Variants in TEX2 observed in about 807,000 individuals in gnomAD.
TEX2 encodes the protein testis expressed 2, also known as testis-expressed protein 2.
A neutral mutation model predicts 106.9 loss-of-function variants in TEX2; 53 were observed. The ratio of observed to expected loss-of-function variants is 0.50; its 90% CI spans 0.40 to 0.62. The LOEUF (loss-of-function observed/expected upper bound fraction) is 0.62, where lower values mean the gene tolerates loss of function less well. Among genes scored for constraint, TEX2 ranks in the 20% least tolerant of loss-of-function variants. TEX2 has a pLI of 0.00. For synonymous variants in TEX2, 523 were observed against 534.8 expected (o/e 0.98, Z 0.30); for missense variants, 1,207 against 1,379.0 (o/e 0.88, Z 1.98).
chr17:64,230,314 AGT>A (rs546008481), intron 1 of TEX2, among the ~76,000 whole-genome samples: 12 of 152,208 alleles, frequency 7.9e-5, no homozygotes, highest in Non-Finnish European at 1.6e-4. Flanking sequence ...GTACATTTTA[AGT>A]GGAGGACAAA....
chr17:64,147,392 C>G lies in TEX2; in HGVS notation c.*1577G>C, dbSNP rs1293184111. On this transcript the variant is annotated 3_prime_UTR_variant, in exon 12 of 12. Coordinates refer to ENST00000584379, the MANE Select transcript of TEX2 (RefSeq NM_001288732.2). Reference sequence around the variant, plus strand: ...TGCTCTGTACTCATTTTATTGTGCCCCTATCTGAACAGGATTCCGTAGAAA... The same window carrying G: ...TGCTCTGTACTCATTTTATTGTGCCGCTATCTGAACAGGATTCCGTAGAAA... 6.6e-6 allele frequency: 1 copy of G among 151,828 alleles called. No individual in the cohort carries two copies. The highest frequency in any genetic ancestry group is 1.5e-5 in the Non-Finnish European group (1 of 68,006). 9.4% of individuals were successfully genotyped at this position (151,828 alleles called of 1,614,324 possible). A position where few individuals can be genotyped will look rare whatever the true frequency, so the allele number is the denominator to read the frequency against.
chr17:64,200,174 C>T (rs1337649142), intron 2 of TEX2, among the ~76,000 whole-genome samples: 5 of 151,940 alleles, frequency 3.3e-5, no homozygotes, highest in African/African-American at 1.2e-4. Flanking sequence ...AATTAATAGA[C>T]AAACATATCA....
rs2032450059 is a variant in TEX2 at position 64,195,833 on chromosome 17, C to T, written c.1645-738G>A. The stretch of plus-strand genomic sequence containing the variant: ...ATACACAAAAGCCTAATACACTATA[C>T]ACTGTGTTAAAGCTAATCTCATAGC... On this transcript the variant is annotated intron_variant, in intron 2 of 11. Coordinates refer to ENST00000584379, the MANE Select transcript of TEX2 (RefSeq NM_001288732.2). The surrounding 1 kb of genome is among the most constrained non-coding windows in gnomAD (Gnocchi z 4.1). Among the ~76,000 whole-genome samples, 2 of 152,306 alleles carry T rather than the reference C, an allele frequency of 1.3e-5. No homozygotes were observed. Among genetic ancestry groups the T allele is most frequent in the African/African-American group, 2.4e-5 (1 of 41,576 alleles).
rs1248083416 is a variant in TEX2 at position 64,195,211 on chromosome 17, A to G, written c.1645-116T>C. 3.4e-6 allele frequency: 3 copies of G among 890,546 alleles called. No individual in the cohort carries two copies. The highest frequency in any genetic ancestry group is 3.3e-5 in the African/African-American group (2 of 60,242). The allele number at this position is 890,546 out of a possible 1,614,324, so 55.2% of individuals were successfully genotyped here. On this transcript the variant is annotated intron_variant, in intron 2 of 11. Coordinates refer to ENST00000584379, the MANE Select transcript of TEX2 (RefSeq NM_001288732.2). The surrounding 1 kb of genome is among the most constrained non-coding windows in gnomAD (Gnocchi z 4.1). ...GAAACCAAACTTGATCACGACACAGATATCAGCTCACCAATGACTACAGGT... is the reference window on the plus strand; with the variant it reads ...GAAACCAAACTTGATCACGACACAGGTATCAGCTCACCAATGACTACAGGT...
Position 64,181,472 on chromosome 17 carries a change from C to CA in TEX2, c.2425-4002dup, listed in dbSNP as rs759988777. Reference sequence around the variant, plus strand: ...CCCTGGCCACAGAGCAAGGCTATCTCAAAAAAAAAAAAAAAAAAAAAAAAA... The same window carrying CA: ...CCCTGGCCACAGAGCAAGGCTATCTCAAAAAAAAAAAAAAAAAAAAAAAAAA... On this transcript the variant is annotated intron_variant, in intron 5 of 11. Transcript: ENST00000584379. Among the ~76,000 whole-genome samples the CA allele has an allele frequency of 9.6e-3, 243 of 25,380 alleles. 5 individuals carry two copies. Among genetic ancestry groups the CA allele is most frequent in the African/African-American group, 0.042 (172 of 4,108 alleles). 16.7% of individuals were successfully genotyped at this position (25,380 alleles called of 152,430 possible).
chr17:64,202,816 C>CT (rs1401373059), intron 2 of TEX2, among the ~76,000 whole-genome samples: 1 of 152,224 alleles, frequency 6.6e-6, no homozygotes, highest in African/African-American at 2.4e-5. Flanking sequence ...CTCAGACAAG[C>CT]TTTGTTTCTT....
At chr17:64,170,987 A>C (rs1004429123) in intron 7 of TEX2, 113 bp downstream of exon 7, 8 of 814,738 alleles carry the variant, frequency 9.8e-6, no homozygotes, top group Admixed American at 2.3e-5. Flanking sequence ...ACTCAACATG[A>C]AACAGATGAT....
In TEX2 at chr17:64,149,024, C is replaced by T. The variant is rs778477556; in HGVS notation, c.3329G>A (p.Arg1110His). 27 of 1,614,030 alleles carry T rather than the reference C, an allele frequency of 1.7e-5. No individual in the cohort carries two copies. Among genetic ancestry groups the T allele is most frequent in the East Asian group, 4.5e-5 (2 of 44,904 alleles). Residue 1110 changes from arginine to histidine, a missense_variant, in exon 12 of 12, where the codon CGC becomes CAC. By Grantham distance (29) the Arg-to-His change is conservative. This residue lies in a region of TEX2 where 77 missense variants were observed against 73.2 expected (regional missense o/e 1.05). Coordinates refer to ENST00000584379, the MANE Select transcript of TEX2 (RefSeq NM_001288732.2). ...GTCTTTCAGGAGGCAGGAAGTAGAG[C>T]GAGGGTCCATGGCTGAGTGCATTAT... ...ITIMHSAMDP[R>H]STSCLLKDPP...
chr17:64,226,638 T>C (rs186387819), intron 1 of TEX2, among the ~76,000 whole-genome samples: 7 of 151,994 alleles, frequency 4.6e-5, no homozygotes, highest in Middle Eastern at 3.4e-3. Context: ...AAGAAACAAA[T>C]AAAAAACTCA....
chr17:64,159,553 TTTTATGTCCAAGAACGTGATGCC>T (rs1411464497), intron 8 of TEX2, among the ~76,000 whole-genome samples: 3 of 152,246 alleles, frequency 2.0e-5, no homozygotes, highest in East Asian at 1.9e-4. Flanking sequence ...TCTCTCAGGC[TTTTATGTCCAAGAACGTGATGCC>T]TTTATGTCCA....
chr17:64,259,890 C>A (rs187060138), intron 1 of TEX2, among the ~76,000 whole-genome samples: 1 of 152,300 alleles, frequency 6.6e-6, no homozygotes, highest in East Asian at 1.9e-4. Flanking sequence ...GTCTAAGACC[C>A]CATACATTAC....
At chr17:64,238,623 G>A (rs2033820817) in intron 1 of TEX2, among the ~76,000 whole-genome samples, 1 of 152,194 alleles carries the variant, frequency 6.6e-6, no homozygotes, top group Non-Finnish European at 1.5e-5. Context: ...TGAGTGCCAA[G>A]CGAAGGGGGA....
intron 7 of TEX2, among the ~76,000 whole-genome samples, chr17:64,169,125 G>A (rs1456216848): frequency 6.6e-6 from 1 of 152,044 alleles, no homozygotes; most frequent in Non-Finnish European, 1.5e-5. Context: ...TGCAACCTCT[G>A]CCTCCTGGGT....
intron 2 of TEX2, among the ~76,000 whole-genome samples, chr17:64,208,222 TTTTG>T (rs1297439089): frequency 1.5e-5 from 2 of 130,338 alleles, no homozygotes; most frequent in African/African-American, 5.2e-5. Flanking sequence ...AGCTTTACTG[TTTTG>T]TTTTTGTTTT....
intron 4 of TEX2, among the ~76,000 whole-genome samples, chr17:64,192,620 C>T (rs2032338513): frequency 6.6e-6 from 1 of 152,168 alleles, no homozygotes; most frequent in African/African-American, 2.4e-5. Context: ...AGTAATCTCC[C>T]CATTCGTCTT....
intron 2 of TEX2, among the ~76,000 whole-genome samples, chr17:64,197,795 C>T (rs1263050555): frequency 4.6e-5 from 7 of 152,224 alleles, no homozygotes; most frequent in South Asian, 4.1e-4. Flanking sequence ...AACTCTTGGT[C>T]TCAAGCAGTT....
intron 1 of TEX2, among the ~76,000 whole-genome samples, chr17:64,260,531 G>A (rs1027398997): frequency 1.3e-5 from 2 of 152,136 alleles, no homozygotes; most frequent in East Asian, 3.9e-4. Context: ...CATCTAACCA[G>A]CTTGTCACCT....
chr17:64,233,136 C>A (rs1243533725), intron 1 of TEX2, among the ~76,000 whole-genome samples: 2 of 152,100 alleles, frequency 1.3e-5, no homozygotes, highest in Admixed American at 1.3e-4. Context: ...ATTCCCCAGT[C>A]ATCATAAGCC....
chr17:64,261,316 C>A (rs1567974983), intron 1 of TEX2, among the ~76,000 whole-genome samples: 1 of 152,136 alleles, frequency 6.6e-6, no homozygotes, highest in Non-Finnish European at 1.5e-5. Context: ...TTTTTAACTC[C>A]AGGCAACTGC....
Sources: allele counts gnomAD v4.1 joint callset (sites outside exome capture counted in the v4.1 genomes callset), GRCh38; gene constraint gnomAD v4.1.1; regional missense constraint gnomAD v4.1.1; non-coding constraint Gnocchi (gnomAD v3.1); transcripts MANE v1.5; gene names NCBI Gene and HGNC (gene_info 2026-07-23, HGNC 2026-07-21).